Variants in YAP1 observed in about 807,000 individuals in gnomAD.
The protein encoded by YAP1 is transcriptional coactivator YAP1.
YAP1 carries 5 observed loss-of-function variants against 56.9 expected under a neutral mutation model. The observed-to-expected ratio is 0.09, with a 90% CI of 0.05 to 0.18. YAP1 has a LOEUF of 0.18. Ranked by LOEUF, YAP1 falls within the 10% of genes least tolerant of loss-of-function variation. YAP1 has a pLI of 1.00. For missense variants in YAP1, 539 were observed against 651.8 expected (o/e 0.83, Z 1.88); for synonymous variants, 265 against 248.1 (o/e 1.07, Z -0.64).
chr11:102,226,115 G>A (rs1403750935), intron 7 of YAP1, among the ~76,000 whole-genome samples: 1 of 152,226 alleles, frequency 6.6e-6, no homozygotes, highest in Non-Finnish European at 1.5e-5. Context: ...CAGCCGAATA[G>A]AGTGATGACT....
intron 3 of YAP1, among the ~76,000 whole-genome samples, chr11:102,166,182 A>G (rs1946596252): frequency 6.6e-6 from 1 of 152,190 alleles, no homozygotes; most frequent in South Asian, 2.1e-4. Context: ...AATTCCCAGA[A>G]TCAGACAAGT....
At chr11:102,213,048 C>G (rs1039385475) in intron 6 of YAP1, among the ~76,000 whole-genome samples, 4 of 152,180 alleles carry the variant, frequency 2.6e-5, no homozygotes, top group Admixed American at 2.0e-4. Context: ...TCAGTGCTCA[C>G]TTGTAAATTG....
At chr11:102,171,842 C>T (rs1946918205) in intron 3 of YAP1, among the ~76,000 whole-genome samples, 1 of 152,096 alleles carries the variant, frequency 6.6e-6, no homozygotes, top group African/African-American at 2.4e-5. Context: ...TTATACTATG[C>T]CCTGTGATTG....
intron 2 of YAP1, among the ~76,000 whole-genome samples, chr11:102,148,034 G>A (rs747659819): frequency 4.6e-5 from 7 of 152,126 alleles, no homozygotes; most frequent in African/African-American, 7.2e-5. Context: ...GAATTTTCTA[G>A]CATTGTGTTA....
chr11:102,225,619 T>C (rs1042086959), intron 7 of YAP1, among the ~76,000 whole-genome samples: 1 of 152,250 alleles, frequency 6.6e-6, no homozygotes, highest in Non-Finnish European at 1.5e-5. Context: ...GTAGTAATGC[T>C]GAGTTCCCTT....
At chr11:102,117,747 G>T (rs1411298958) in intron 2 of YAP1, among the ~76,000 whole-genome samples, 2 of 152,194 alleles carry the variant, frequency 1.3e-5, no homozygotes, top group Non-Finnish European at 2.9e-5. Flanking sequence ...GCTCTGGGAT[G>T]AATGTGAAGT....
At chr11:102,159,769 T>C (rs908452677) in intron 2 of YAP1, among the ~76,000 whole-genome samples, 1 of 152,152 alleles carries the variant, frequency 6.6e-6, no homozygotes, top group African/African-American at 2.4e-5. Flanking sequence ...ACAATCCAGA[T>C]TGTCATTGGC....
At position 102,206,701 on chromosome 11, in the gene YAP1, A is replaced by C. The variant is rs371482736; in HGVS notation, c.984+627A>C. Among the ~76,000 whole-genome samples the C allele has an allele frequency of 3.9e-5, 6 of 152,192 alleles. No homozygotes were observed. In the South Asian group the frequency reaches 8.3e-4, roughly 21 times the overall value. ...CTACTAAAAATAAAAAAATTAGCCA[A>C]GCGTGGTGGCACACACCTGTAATCT... On this transcript the variant is annotated intron_variant, in intron 5 of 8. Transcript: ENST00000282441.
chr11:102,206,511 C>T (rs930057198), intron 5 of YAP1, among the ~76,000 whole-genome samples: 2 of 152,186 alleles, frequency 1.3e-5, no homozygotes, highest in South Asian at 2.1e-4. Context: ...AAATATACTT[C>T]GGTATTACCG....
At chr11:102,161,345 T>TACACACACACACAC (rs34552492) in intron 2 of YAP1, among the ~76,000 whole-genome samples, 1 of 141,236 alleles carries the variant, frequency 7.1e-6, no homozygotes, top group Non-Finnish European at 1.5e-5. Flanking sequence ...GTACTTTCAC[T>TACACACACACACAC]ACACACACAC....
intron 7 of YAP1, chr11:102,227,157 T>C: frequency 3.9e-6 from 1 of 258,770 alleles, no homozygotes; most frequent in East Asian, 8.6e-5. Flanking sequence ...ATGCAGAGAA[T>C]TTTCTGTCAG....
In YAP1 at chr11:102,222,865, CT is replaced by C. The variant is rs1298036670; in HGVS notation, c.1033-748del. 1.8e-4 allele frequency among the ~76,000 whole-genome samples: 24 copies of C among 134,620 alleles called. 1 individual carries two copies. The highest frequency in any genetic ancestry group is 4.8e-4 in the Admixed American group (6 of 12,548). The allele number at this position is 134,620 out of a possible 152,430, so 88.3% of individuals were successfully genotyped here. A position where few individuals can be genotyped will look rare whatever the true frequency, so the allele number is the denominator to read the frequency against. On this transcript the variant is annotated intron_variant, in intron 6 of 8. Coordinates refer to ENST00000282441, the MANE Select transcript of YAP1 (RefSeq NM_001130145.3). ...TCATCAGATGCTATTCTTCCTACTT[CT>C]TTTTTTTTGGCGGGGGAGGGGGTCG... is the stretch of plus-strand genomic sequence containing the variant.
chr11:102,157,628 T>TG (rs1219057082), intron 2 of YAP1, among the ~76,000 whole-genome samples: 1 of 152,218 alleles, frequency 6.6e-6, no homozygotes, highest in African/African-American at 2.4e-5. Flanking sequence ...ATTGTTTAGT[T>TG]GGTCATTTGA....
intron 3 of YAP1, among the ~76,000 whole-genome samples, chr11:102,181,138 C>A (rs377581947): frequency 1.8e-4 from 28 of 151,404 alleles, no homozygotes; most frequent in South Asian, 8.3e-4. Context: ...CAGAATGAGA[C>A]CCTGCCTCAA....
chr11:102,180,944 C>T (rs912261382), intron 3 of YAP1, among the ~76,000 whole-genome samples: 2 of 151,778 alleles, frequency 1.3e-5, no homozygotes, highest in Admixed American at 6.6e-5. Flanking sequence ...CTCAGGATTT[C>T]GAGACCAGCC....
At chr11:102,151,669 C>T (rs1945664645) in intron 2 of YAP1, among the ~76,000 whole-genome samples, 1 of 152,152 alleles carries the variant, frequency 6.6e-6, no homozygotes, top group African/African-American at 2.4e-5. Flanking sequence ...CAGTACTTGG[C>T]ACTTAGTAGG....
At chr11:102,123,320 T>C (rs7928547) in intron 2 of YAP1, among the ~76,000 whole-genome samples, 57,632 of 151,982 alleles carry the variant, frequency 0.38, 11,153 homozygotes, top group Admixed American at 0.45. Flanking sequence ...AGTCTTTTGT[T>C]TTCCTGCTCT....
Position 102,177,920 on chromosome 11 carries a change from C to G in YAP1, c.689-8098C>G, listed in dbSNP as rs181296820. ...AAAGAGGATTAAAAAAATATGATTA[C>G]TGTTTGTCATAATTGTGGTGTAGTA... On this transcript the variant is annotated intron_variant, in intron 3 of 8. Transcript: ENST00000282441. Among the ~76,000 whole-genome samples the G allele has an allele frequency of 5.3e-5, 8 of 152,214 alleles. No individual in the cohort carries two copies. The East Asian group carries it at 1.5e-3, about 29-fold the overall frequency.
chr11:102,230,990 G>A lies in YAP1; in HGVS notation c.*1050G>A, dbSNP rs1950419874. On this transcript the variant is annotated 3_prime_UTR_variant, in exon 9 of 9. Coordinates refer to ENST00000282441, the MANE Select transcript of YAP1 (RefSeq NM_001130145.3). ...CGCTTTGTATGCATTTAGAATACAT[G>A]ACTAGTAGTTTATATTTCACTGGTA... is the stretch of plus-strand genomic sequence containing the variant. 1 of 152,146 alleles carries A rather than the reference G, an allele frequency of 6.6e-6. No individual in the cohort carries two copies. Among genetic ancestry groups the A allele is most frequent in the Admixed American group, 6.6e-5 (1 of 15,264 alleles). 9.4% of individuals were successfully genotyped at this position (152,146 alleles called of 1,614,324 possible). A position where few individuals can be genotyped will look rare whatever the true frequency, so the allele number is the denominator to read the frequency against.
Sources: gnomAD v4.1 joint callset for allele counts (sites outside exome capture counted in the v4.1 genomes callset) on GRCh38, gnomAD v4.1.1 for gene constraint, MANE v1.5 for transcripts, NCBI Gene and HGNC (gene_info 2026-07-23, HGNC 2026-07-21) for gene names.